The following RNASET2 variants were observed in gnomAD, a reference collection of about 807,000 sequenced individuals.
RNASET2 encodes ribonuclease T2, also known as ribonuclease 6.
A neutral mutation model predicts 33.9 loss-of-function variants in RNASET2; 28 were observed. The observed-to-expected ratio is 0.83, with a 90% CI of 0.61 to 1.13. RNASET2 has a LOEUF of 1.13. Among genes scored for constraint, RNASET2 ranks in the 50% most tolerant of loss-of-function variants. RNASET2 has a pLI of 0.00. For missense variants in RNASET2, 330 were observed against 319.9 expected, an observed-to-expected ratio of 1.03 and a Z score of -0.24; for synonymous variants, 123 against 121.0, an observed-to-expected ratio of 1.02 and a Z score of -0.11.
intron 5 of RNASET2, among the ~76,000 whole-genome samples, chr6:166,942,687 C>T (rs1354383065): frequency 1.3e-5 from 2 of 152,118 alleles, no homozygotes; most frequent in Non-Finnish European, 2.9e-5. Flanking sequence ...AGCAATCCAC[C>T]CGCCTCAGCC....
chr6:166,946,155 C>A (rs9459809), intron 4 of RNASET2, among the ~76,000 whole-genome samples: 185 of 152,276 alleles, frequency 1.2e-3, no homozygotes, highest in Middle Eastern at 3.4e-3. Context: ...AATAAATTCC[C>A]GCCCTGTGAG....
At chr6:166,930,417 C>T (rs557693151) in intron 8 of RNASET2, among the ~76,000 whole-genome samples, 218 of 152,254 alleles carry the variant, frequency 1.4e-3, no homozygotes, top group African/African-American at 5.1e-3. Flanking sequence ...TGCACATTCA[C>T]ACAGAGGCAC....
chr6:166,931,186 C>T (rs1200520333), intron 7 of RNASET2, 68 bp from the exon 8 acceptor site: 2 of 1,150,342 alleles, frequency 1.7e-6, no homozygotes, highest in Non-Finnish European at 2.6e-6. Flanking sequence ...TCTGGACTAT[C>T]CTGAGCGCAA....
rs1414939635 is a variant in RNASET2 at position 166,927,460 on chromosome 6, G to T, written c.*2128C>A. The stretch of plus-strand genomic sequence containing the variant: ...ATGCCTCCCACCAGGATGCTACCTT[G>T]TTGGCGTCCCCATCCGCTCTCAAAT... On this transcript the variant is annotated 3_prime_UTR_variant, in exon 9 of 9. Transcript: ENST00000508775. Among the ~76,000 whole-genome samples the T allele has an allele frequency of 6.6e-6, 1 of 151,964 alleles. No individual in the cohort carries two copies. Among genetic ancestry groups the T allele is most frequent in the East Asian group, 1.9e-4 (1 of 5,186 alleles).
chr6:166,945,625 G>A (rs770993474), intron 4 of RNASET2, among the ~76,000 whole-genome samples: 19 of 152,266 alleles, frequency 1.2e-4, no homozygotes, highest in Non-Finnish European at 2.2e-4. Context: ...GAGGTCAGGA[G>A]TTCGAGACCA....
rs1779171108 is a variant in RNASET2, at chr6:166,956,525, C to A, written c.-343G>T. Reference sequence around the variant, plus strand: ...CTCCACGCTGCAGCCGCCGTCCGCCCACGACCACGGTCAGTCGCGTTGCTC... The same window carrying A: ...CTCCACGCTGCAGCCGCCGTCCGCCAACGACCACGGTCAGTCGCGTTGCTC... On this transcript the variant is annotated 5_prime_UTR_variant, in exon 1 of 9. Transcript: ENST00000508775. 9 of 361,878 alleles carry A rather than the reference C, an allele frequency of 2.5e-5. No individual in the cohort carries two copies. The highest frequency in any genetic ancestry group is 2.4e-4 in the South Asian group (9 of 37,440). 22.4% of individuals were successfully genotyped at this position (361,878 alleles called of 1,614,324 possible). A position where few individuals can be genotyped will look rare whatever the true frequency, so the allele number is the denominator to read the frequency against.
intron 6 of RNASET2, among the ~76,000 whole-genome samples, chr6:166,936,429 A>T (rs774403049): frequency 2.6e-5 from 4 of 152,106 alleles, no homozygotes; most frequent in East Asian, 1.9e-4. Flanking sequence ...TAATTTATTT[A>T]AAAAAAGAGG....
At chr6:166,955,333 ACGCACACG>A (rs1583240526) in intron 1 of RNASET2, among the ~76,000 whole-genome samples, 1 of 59,296 alleles carries the variant, frequency 1.7e-5, no homozygotes, top group African/African-American at 9.3e-5. Flanking sequence ...ACACGCACGC[ACGCACACG>A]CACACGCACG....
intron 2 of RNASET2, among the ~76,000 whole-genome samples, chr6:166,949,522 A>G (rs908878048): frequency 8.6e-5 from 13 of 151,552 alleles, no homozygotes; most frequent in African/African-American, 2.2e-4. Context: ...AAAAAAAAAA[A>G]AAAGAAAGAA....
chr6:166,923,224 C>A lies in RNASET2; in HGVS notation c.*6364G>T. Among the ~76,000 whole-genome samples the A allele has an allele frequency of 7.8e-6, 1 of 127,528 alleles. No homozygotes were observed. The highest frequency in any genetic ancestry group is 7.2e-5 in the Admixed American group (1 of 13,900). 83.7% of individuals were successfully genotyped at this position (127,528 alleles called of 152,430 possible). On this transcript the variant is annotated 3_prime_UTR_variant, in exon 9 of 9. Coordinates refer to ENST00000508775, the MANE Select transcript of RNASET2 (RefSeq NM_003730.6). ...GATTACAGGCGTGAGCCACCAGGCC[C>A]GGCCTTTTTTTTTTTTTTTTTTTTT...
chr6:166,934,057 G>C (rs1258767711), intron 7 of RNASET2, 34 bp downstream of exon 7: 26 of 1,567,984 alleles, frequency 1.7e-5, no homozygotes, highest in Non-Finnish European at 2.2e-5. Flanking sequence ...CCCCGGGAGA[G>C]ACACACGAGA....
chr6:166,954,645 C>T (rs2128647915), intron 1 of RNASET2, among the ~76,000 whole-genome samples: 2 of 152,350 alleles, frequency 1.3e-5, no homozygotes, highest in Middle Eastern at 6.8e-3. Context: ...TCAGAAAATA[C>T]ACTTTCCGGA....
At chr6:166,948,405 C>T (rs1406834323) in intron 3 of RNASET2, 165 bp downstream of exon 3, 10 of 692,608 alleles carry the variant, frequency 1.4e-5, no homozygotes, top group Non-Finnish European at 2.1e-5. Context: ...ACAAGAGAAT[C>T]AGGGTTCTGC....
At chr6:166,950,287 T>C (rs982697162) in intron 2 of RNASET2, among the ~76,000 whole-genome samples, 13 of 152,194 alleles carry the variant, frequency 8.5e-5, no homozygotes, top group Non-Finnish European at 1.3e-4. Context: ...CTCCCAACAA[T>C]TGAAAGTTGA....
Position 166,922,573 on chromosome 6 carries a change from A to C in RNASET2, c.*7015T>G, listed in dbSNP as rs1562489221. Among the ~76,000 whole-genome samples, 1 of 152,208 alleles carries C rather than the reference A, an allele frequency of 6.6e-6. No homozygotes were observed. Among genetic ancestry groups the C allele is most frequent in the Non-Finnish European group, 1.5e-5 (1 of 68,034 alleles). On this transcript the variant is annotated 3_prime_UTR_variant, in exon 9 of 9. Transcript: ENST00000508775. ...CTATTCTGCTCTAAAACATTCAGAG[A>C]AAAACCAATCGGGTGACATTTCAGT...
rs992015370 is a variant in RNASET2 at position 166,955,829 on chromosome 6, C to T, written c.86+268G>A. Reference sequence around the variant, plus strand: ...GTCACCCCGGGGCGTGCTCAGGACTCCCCTCATCGCACTCCTTCCCAGAGG... The same window carrying T: ...GTCACCCCGGGGCGTGCTCAGGACTTCCCTCATCGCACTCCTTCCCAGAGG... On this transcript the variant is annotated intron_variant, in intron 1 of 8. Transcript: ENST00000508775. 4 of 907,576 alleles carry T rather than the reference C, an allele frequency of 4.4e-6. No individual in the cohort carries two copies. The African/African-American group carries it at 7.2e-5, about 16-fold the overall frequency. 56.2% of individuals were successfully genotyped at this position (907,576 alleles called of 1,614,324 possible). A position where few individuals can be genotyped will look rare whatever the true frequency, so the allele number is the denominator to read the frequency against.
At chr6:166,956,036 C>T in intron 1 of RNASET2, 61 bp downstream of exon 1, 2 of 1,467,376 alleles carry the variant, frequency 1.4e-6, no homozygotes, top group Non-Finnish European at 1.9e-6. Flanking sequence ...AGCCTTCACC[C>T]AGTGGAAAGC....
rs56962763 is a variant in RNASET2 at position 166,936,350 on chromosome 6, C to CGTGTGTGT, written c.447-2222_447-2215dup. 7.8e-3 allele frequency among the ~76,000 whole-genome samples: 1,168 copies of CGTGTGTGT among 149,464 alleles called. 20 individuals are homozygous for CGTGTGTGT. The highest frequency in any genetic ancestry group is 0.028 in the African/African-American group (1,123 of 40,768). ...CCAGGACTTAGAGTTTTGCATGTGT[C>CGTGTGTGT]GTGTGTGTGTGTGTGTGTGTGTGTC... On this transcript the variant is annotated intron_variant, in intron 6 of 8. Coordinates refer to ENST00000508775, the MANE Select transcript of RNASET2 (RefSeq NM_003730.6).
chr6:166,924,247 C>T lies in RNASET2; in HGVS notation c.*5341G>A, dbSNP rs1471196875. Among the ~76,000 whole-genome samples, 1 of 152,108 alleles carries T rather than the reference C, an allele frequency of 6.6e-6. No homozygotes were observed. Reference sequence around the variant, plus strand: ...TCCCGAGTAGCTGGGACTACAGGTGCCCGCCACCATGCCCGGCCAATTTTT... The same window carrying T: ...TCCCGAGTAGCTGGGACTACAGGTGTCCGCCACCATGCCCGGCCAATTTTT... On this transcript the variant is annotated 3_prime_UTR_variant, in exon 9 of 9. Transcript: ENST00000508775.
Sources: gnomAD v4.1 joint callset for allele counts (sites outside exome capture counted in the v4.1 genomes callset) on GRCh38, gnomAD v4.1.1 for gene constraint, MANE v1.5 for transcripts, NCBI Gene and HGNC (gene_info 2026-07-23, HGNC 2026-07-21) for gene names.